Variants in PTPRO observed in about 807,000 individuals in gnomAD.
PTPRO encodes the protein receptor-type tyrosine-protein phosphatase O.
In PTPRO, 62 loss-of-function variants were observed where a neutral mutation model predicts 145.2. That is an observed-to-expected ratio of 0.43 (90% CI 0.35 to 0.53). The LOEUF is 0.53. Among genes scored for constraint, PTPRO ranks in the 20% least tolerant of loss-of-function variants. The pLI, the probability that PTPRO is intolerant of heterozygous loss-of-function variation, is 0.01. For synonymous variants in PTPRO, 565 were observed against 514.7 expected, an observed-to-expected ratio of 1.10 and a Z score of -1.32; for missense variants, 1,345 against 1,482.7, an observed-to-expected ratio of 0.91 and a Z score of 1.53.
At chr12:15,443,304 A>G (rs1225748527) in intron 1 of PTPRO, among the ~76,000 whole-genome samples, 1 of 152,138 alleles carries the variant, frequency 6.6e-6, no homozygotes, top group East Asian at 1.9e-4. Context: ...AGAAGAATGA[A>G]ACTGGATCCC....
At chr12:15,532,235 AATT>A (rs1241290826) in intron 12 of PTPRO, among the ~76,000 whole-genome samples, 1 of 152,170 alleles carries the variant, frequency 6.6e-6, no homozygotes, top group African/African-American at 2.4e-5. Flanking sequence ...TGGAAGTAAA[AATT>A]ATAATATTGA....
intron 9 of PTPRO, among the ~76,000 whole-genome samples, chr12:15,519,206 C>G (rs1954878438): frequency 6.6e-6 from 1 of 152,156 alleles, no homozygotes; most frequent in South Asian, 2.1e-4. Flanking sequence ...GGAAAACTCC[C>G]CCTTACAATA....
chr12:15,504,885 T>C (rs1565670053), intron 6 of PTPRO, among the ~76,000 whole-genome samples: 1 of 152,210 alleles, frequency 6.6e-6, no homozygotes, highest in Non-Finnish European at 1.5e-5. Flanking sequence ...GCTCAGCTTA[T>C]GTAGCAGCTT....
intron 1 of PTPRO, among the ~76,000 whole-genome samples, chr12:15,354,439 C>T (rs558410888): frequency 1.3e-5 from 2 of 152,178 alleles, no homozygotes; most frequent in African/African-American, 4.8e-5. Context: ...TGTATTTATA[C>T]ACATTATAAT....
chr12:15,343,421 C>T (rs1290197976), intron 1 of PTPRO, among the ~76,000 whole-genome samples: 6 of 152,012 alleles, frequency 3.9e-5, no homozygotes, highest in African/African-American at 1.4e-4. Context: ...ACGCGGTGGT[C>T]CATGTCTATA....
chr12:15,338,434 C>G (rs1866845212), intron 1 of PTPRO, among the ~76,000 whole-genome samples: 1 of 152,098 alleles, frequency 6.6e-6, no homozygotes, highest in Admixed American at 6.5e-5. Flanking sequence ...GGAACATACA[C>G]AAAATACACA....
intron 12 of PTPRO, among the ~76,000 whole-genome samples, chr12:15,544,959 T>C (rs764271768): frequency 2.0e-5 from 3 of 152,326 alleles, no homozygotes; most frequent in Non-Finnish European, 4.4e-5. Flanking sequence ...TCAACTCTTC[T>C]GCCTAACCTT....
intron 1 of PTPRO, among the ~76,000 whole-genome samples, chr12:15,356,753 A>G (rs1034208250): frequency 1.3e-5 from 2 of 152,166 alleles, no homozygotes; most frequent in Non-Finnish European, 2.9e-5. Context: ...TAGGATCATC[A>G]ATGTTTAAAT....
intron 1 of PTPRO, 60 bp from the exon 2 acceptor site, chr12:15,483,914 C>T: frequency 1.3e-6 from 2 of 1,537,584 alleles, no homozygotes; most frequent in Non-Finnish European, 1.8e-6. Flanking sequence ...CTTAGCATAA[C>T]TTTATTGCCA....
intron 3 of PTPRO, 53 bp from the exon 4 acceptor site, chr12:15,499,389 T>A (rs1259692995): frequency 6.5e-7 from 1 of 1,536,306 alleles, no homozygotes; most frequent in African/African-American, 1.4e-5. Flanking sequence ...TTTCCAGAAG[T>A]GTGTGATGTT....
intron 1 of PTPRO, among the ~76,000 whole-genome samples, chr12:15,396,765 T>C (rs1281133761): frequency 6.6e-6 from 1 of 152,184 alleles, no homozygotes; most frequent in Non-Finnish European, 1.5e-5. Context: ...GGAAGCATTT[T>C]TATTAGGCCA....
intron 1 of PTPRO, among the ~76,000 whole-genome samples, chr12:15,367,859 C>T (rs1008177508): frequency 1.7e-4 from 26 of 152,136 alleles, no homozygotes; most frequent in African/African-American, 4.1e-4. Flanking sequence ...CCACCATGCT[C>T]GTAACTTTCA....
intron 7 of PTPRO, among the ~76,000 whole-genome samples, chr12:15,512,703 T>C (rs1023346761): frequency 1.6e-4 from 25 of 152,114 alleles, no homozygotes; most frequent in African/African-American, 5.6e-4. Flanking sequence ...TTTAGAAAAT[T>C]CTCTATCAGG....
At chr12:15,516,643 G>GAGGGAGGT in intron 8 of PTPRO, 120 bp from the exon 9 acceptor site, 4 of 842,686 alleles carry the variant, frequency 4.7e-6, no homozygotes, top group Non-Finnish European at 7.8e-6. Flanking sequence ...GGAAGGGAGG[G>GAGGGAGGT]AGGGAGGTAG....
Position 15,557,538 on chromosome 12 carries a change from G to A in PTPRO, c.2627+15G>A. ...CCATACAACTGGTGAGTATTGTTTTGGAACAAGCTTCTACATAGTTTAACT... is the reference window on the plus strand; with the variant it reads ...CCATACAACTGGTGAGTATTGTTTTAGAACAAGCTTCTACATAGTTTAACT... On this transcript the variant is annotated intron_variant, in intron 16 of 26. Transcript: ENST00000281171. 1 of 1,608,336 alleles carries A rather than the reference G, an allele frequency of 6.2e-7. No homozygotes were observed. The highest frequency in any genetic ancestry group is 8.5e-7 in the Non-Finnish European group (1 of 1,174,886).
rs1565667998 is a variant in PTPRO, at chr12:15,501,830, A to C, written c.872A>C (p.Tyr291Ser). Reference sequence around the variant, plus strand: ...TGGCCTGATTTTAATAGCAGTGACTATGAAACTACGTCTCAGCCATATTGG... The same window carrying C: ...TGGCCTGATTTTAATAGCAGTGACTCTGAAACTACGTCTCAGCCATATTGG... ...SGWPDFNSSD[Y>S]ETTSQPYWWD... is the part of the protein sequence containing the mutation. The change falls in exon 5 of 27, where the codon TAT becomes TCT. Residue 291 changes from tyrosine (Y) to serine (S), a missense_variant. Physicochemically the swap from Tyr to Ser is moderately radical, Grantham distance 144. Transcript: ENST00000281171. The C allele has an allele frequency of 6.2e-7, 1 of 1,613,972 alleles. No homozygotes were observed. Among genetic ancestry groups the C allele is most frequent in the African/African-American group, 1.3e-5 (1 of 74,930 alleles).
chr12:15,507,208 T>C (rs978683616), intron 6 of PTPRO, among the ~76,000 whole-genome samples: 1 of 151,078 alleles, frequency 6.6e-6, no homozygotes, highest in African/African-American at 2.4e-5. Flanking sequence ...AGGTCAGGAG[T>C]TCAAGACTAG....
chr12:15,377,632 A>C (rs1365807371), intron 1 of PTPRO, among the ~76,000 whole-genome samples: 2 of 152,252 alleles, frequency 1.3e-5, no homozygotes, highest in South Asian at 4.1e-4. Flanking sequence ...CTTGAGCAAC[A>C]CTACACCAAC....
intron 20 of PTPRO, 144 bp from the exon 21 acceptor site, chr12:15,579,895 A>G (rs1342705409): frequency 1.5e-6 from 1 of 679,878 alleles, no homozygotes; most frequent in Non-Finnish European, 2.5e-6. Context: ...ACCAAAGTTG[A>G]AGAATAGCTA....
Sources: allele counts gnomAD v4.1 joint callset (sites outside exome capture counted in the v4.1 genomes callset), GRCh38; gene constraint gnomAD v4.1.1; transcripts MANE v1.5; gene names NCBI Gene and HGNC (gene_info 2026-07-23, HGNC 2026-07-21).